The following NRG3 variants were observed in gnomAD, a reference collection of about 807,000 sequenced individuals.
NRG3 encodes the protein neuregulin 3, also known as pro-neuregulin-3, membrane-bound isoform.
Under a neutral mutation model 66.9 loss-of-function variants are expected in NRG3, and 31 were observed. That is an observed-to-expected ratio of 0.46 (90% confidence interval 0.35 to 0.63). The LOEUF (loss-of-function observed/expected upper bound fraction) is 0.63, where lower values mean the gene tolerates loss of function less well. Among genes scored for constraint, NRG3 ranks in the 20% least tolerant of loss-of-function variants. The pLI, the probability that NRG3 is intolerant of heterozygous loss-of-function variation, is 0.00. For missense variants in NRG3, 910 were observed against 878.9 expected (o/e 1.04, Z -0.45); for synonymous variants, 393 against 359.4 (o/e 1.09, Z -1.06).
intron 2 of NRG3, among the ~76,000 whole-genome samples, chr10:82,509,163 C>T (rs1047417354): frequency 6.6e-6 from 1 of 152,054 alleles, no homozygotes; most frequent in East Asian, 1.9e-4. Context: ...TGGTTTTCAC[C>T]GTCTAACTAG....
At chr10:82,425,986 T>G (rs2089410572) in intron 2 of NRG3, among the ~76,000 whole-genome samples, 1 of 152,110 alleles carries the variant, frequency 6.6e-6, no homozygotes, top group African/African-American at 2.4e-5. Flanking sequence ...CCCTGAGATG[T>G]GACCATCACA....
rs149110559 is a variant in NRG3, at chr10:82,195,123, G to A, written c.824-163616G>A. Among the ~76,000 whole-genome samples the A allele has an allele frequency of 3.4e-3, 521 of 152,220 alleles. 6 individuals carry two copies. Among genetic ancestry groups the A allele is most frequent in the African/African-American group, 0.012 (491 of 41,538 alleles). ...TTTGGATGTGTTGGCATGAGTGTTGGCTTTATCCATCTGGTAGAACAAGAA... is the reference window on the plus strand; with the variant it reads ...TTTGGATGTGTTGGCATGAGTGTTGACTTTATCCATCTGGTAGAACAAGAA... On this transcript the variant is annotated intron_variant, in intron 1 of 8. Coordinates refer to ENST00000372141, the MANE Select transcript of NRG3 (RefSeq NM_001010848.4).
chr10:82,182,432 G>C (rs2073492104), intron 1 of NRG3, among the ~76,000 whole-genome samples: 1 of 150,914 alleles, frequency 6.6e-6, no homozygotes, highest in African/African-American at 2.4e-5. Context: ...CATTACCATG[G>C]GGCTTACATA....
At chr10:82,429,624 A>G (rs529549673) in intron 2 of NRG3, among the ~76,000 whole-genome samples, 77 of 152,254 alleles carry the variant, frequency 5.1e-4, no homozygotes, top group Non-Finnish European at 1.0e-3. Flanking sequence ...TCCAAATCAG[A>G]GTTTTTTGAA....
intron 4 of NRG3, among the ~76,000 whole-genome samples, chr10:82,886,685 A>G (rs908769598): frequency 2.6e-5 from 4 of 152,152 alleles, no homozygotes; most frequent in African/African-American, 9.7e-5. Context: ...CCAGATTCTT[A>G]TACTTACTGA....
chr10:82,368,848 C>T (rs1195310521), intron 2 of NRG3, among the ~76,000 whole-genome samples: 1 of 138,746 alleles, frequency 7.2e-6, no homozygotes, highest in Non-Finnish European at 1.5e-5. Flanking sequence ...CTTGGTACCA[C>T]AGGCCCCGCC....
chr10:82,475,447 T>C (rs907096282), intron 2 of NRG3, among the ~76,000 whole-genome samples: 3 of 152,068 alleles, frequency 2.0e-5, no homozygotes, highest in African/African-American at 7.2e-5. Flanking sequence ...ATCCAAGACA[T>C]TGCATCAGTA....
chr10:82,315,227 C>T (rs1321861613), intron 1 of NRG3, among the ~76,000 whole-genome samples: 1 of 152,150 alleles, frequency 6.6e-6, no homozygotes, highest in Non-Finnish European at 1.5e-5. Flanking sequence ...CTTTTAAAGT[C>T]AACACCTGGT....
intron 2 of NRG3, among the ~76,000 whole-genome samples, chr10:82,575,093 A>C (rs781323015): frequency 2.6e-5 from 4 of 151,798 alleles, no homozygotes; most frequent in Non-Finnish European, 5.9e-5. Context: ...ATAAAAGCTA[A>C]GTATGAGAGG....
At chr10:82,877,141 A>G (rs1295011363) in intron 4 of NRG3, among the ~76,000 whole-genome samples, 6 of 152,244 alleles carry the variant, frequency 3.9e-5, no homozygotes, top group South Asian at 2.1e-4. Context: ...AGTCAGCTTA[A>G]TAGAAAGGGG....
intron 1 of NRG3, among the ~76,000 whole-genome samples, chr10:82,188,104 A>T (rs2073915905): frequency 6.6e-6 from 1 of 152,194 alleles, no homozygotes. Flanking sequence ...GTACTGGCAT[A>T]CAAAAAGACA....
At chr10:82,728,181 C>A (rs945742601) in intron 2 of NRG3, among the ~76,000 whole-genome samples, 2 of 152,040 alleles carry the variant, frequency 1.3e-5, no homozygotes, top group Admixed American at 1.3e-4. Context: ...TGAGTTAAGA[C>A]TTTGGGGGAC....
intron 4 of NRG3, among the ~76,000 whole-genome samples, chr10:82,899,647 G>A (rs1844016582): frequency 6.6e-6 from 1 of 152,078 alleles, no homozygotes; most frequent in African/African-American, 2.4e-5. Flanking sequence ...AATCGTTTAG[G>A]AACTAGCATG....
At chr10:82,282,789 G>A (rs2079196129) in intron 1 of NRG3, among the ~76,000 whole-genome samples, 1 of 152,100 alleles carries the variant, frequency 6.6e-6, no homozygotes, top group African/African-American at 2.4e-5. Flanking sequence ...CATGCCTGTG[G>A]GATGCTTTTC....
chr10:82,148,747 C>T (rs1311036078), intron 1 of NRG3, among the ~76,000 whole-genome samples: 1 of 150,176 alleles, frequency 6.7e-6, no homozygotes, highest in Non-Finnish European at 1.5e-5. Context: ...AATGTCTTCT[C>T]TTCATCCAAA....
intron 1 of NRG3, among the ~76,000 whole-genome samples, chr10:82,076,124 T>C (rs896862794): frequency 6.6e-6 from 1 of 152,132 alleles, no homozygotes; most frequent in African/African-American, 2.4e-5. Flanking sequence ...GGAAGACATC[T>C]TCTAGTTAGG....
At chr10:82,795,651 G>T (rs1346344926) in intron 3 of NRG3, among the ~76,000 whole-genome samples, 2 of 152,150 alleles carry the variant, frequency 1.3e-5, no homozygotes, top group Non-Finnish European at 2.9e-5. Context: ...GTTTTGAAAG[G>T]TGAAAAGTAG....
intron 1 of NRG3, among the ~76,000 whole-genome samples, chr10:81,922,470 ATAT>A (rs1252367605): frequency 2.0e-5 from 3 of 152,160 alleles, no homozygotes; most frequent in Admixed American, 2.0e-4. Context: ...GCATATGTAC[ATAT>A]TATTTAGCTC....
At chr10:82,009,804 G>T (rs979483336) in intron 1 of NRG3, among the ~76,000 whole-genome samples, 1 of 152,188 alleles carries the variant, frequency 6.6e-6, no homozygotes, top group Admixed American at 6.5e-5. Flanking sequence ...CCCCAGCCAT[G>T]CCTCCTTTGG....
Sources: allele counts gnomAD v4.1 joint callset (sites outside exome capture counted in the v4.1 genomes callset), GRCh38; gene constraint gnomAD v4.1.1; transcripts MANE v1.5; gene names NCBI Gene and HGNC (gene_info 2026-07-23, HGNC 2026-07-21).